The following KRT80 variants were observed in gnomAD, a reference collection of about 807,000 sequenced individuals.
The protein encoded by KRT80 is keratin, type II cytoskeletal 80.
In KRT80, 36 loss-of-function variants were observed where a neutral mutation model predicts 51.5. The observed-to-expected ratio is 0.70, with a 90% CI of 0.54 to 0.92. The LOEUF is 0.92. Among genes scored for constraint, KRT80 ranks in the 40% least tolerant of loss-of-function variants. The pLI is 0.00. For missense variants in KRT80, 566 were observed against 591.7 expected (o/e 0.96, Z 0.45); for synonymous variants, 235 against 248.3 (o/e 0.95, Z 0.50).
At chr12:52,181,143 C>T (rs12826238) in intron 2 of KRT80, among the ~76,000 whole-genome samples, 180 bp from the exon 3 acceptor site, 22,395 of 152,012 alleles carry the variant, frequency 0.15, 1,754 homozygotes, top group Non-Finnish European at 0.17. Flanking sequence ...TCTCTCCCCC[C>T]GACCTCCTGG....
At chr12:52,181,296 C>T (rs1941317301) in intron 2 of KRT80, among the ~76,000 whole-genome samples, 1 of 152,122 alleles carries the variant, frequency 6.6e-6, no homozygotes. Flanking sequence ...ACTTTATCCC[C>T]TCATCTTTAC....
chr12:52,176,514 T>C (rs2120889291), intron 4 of KRT80, among the ~76,000 whole-genome samples: 1 of 150,138 alleles, frequency 6.7e-6, no homozygotes, highest in East Asian at 2.0e-4. Flanking sequence ...GGAGTTTCAC[T>C]CTTGTTGCCC....
rs1035475075 is a variant in KRT80, at chr12:52,171,298, C to T, written c.*100G>A. Reference sequence around the variant, plus strand: ...CTCTCAGTTCAATATCAGGTTTTGCCTCTCTTCTCAACCTAGAGGCTCCAA... The same window carrying T: ...CTCTCAGTTCAATATCAGGTTTTGCTTCTCTTCTCAACCTAGAGGCTCCAA... On this transcript the variant is annotated 3_prime_UTR_variant, in exon 9 of 9. Transcript: ENST00000394815. 6 of 1,264,956 alleles carry T rather than the reference C, an allele frequency of 4.7e-6. No individual in the cohort carries two copies. Among genetic ancestry groups the T allele is most frequent in the African/African-American group, 3.0e-5 (2 of 66,766 alleles). The allele number at this position is 1,264,956 out of a possible 1,614,324, so 78.4% of individuals were successfully genotyped here.
chr12:52,173,230 C>G, intron 5 of KRT80, 67 bp from the exon 6 acceptor site: 1 of 1,469,234 alleles, frequency 6.8e-7, no homozygotes, highest in South Asian at 1.3e-5. Flanking sequence ...TTACCCGCCT[C>G]TGCTTTTTCT....
At chr12:52,178,297 C>T (rs2120896383) in intron 4 of KRT80, among the ~76,000 whole-genome samples, 1 of 152,372 alleles carries the variant, frequency 6.6e-6, no homozygotes, top group Middle Eastern at 3.4e-3. Flanking sequence ...GGCTGCCTGT[C>T]ACACTCAGAA....
At chr12:52,179,013 T>C (rs17126366) in intron 4 of KRT80, among the ~76,000 whole-genome samples, 10,070 of 152,298 alleles carry the variant, frequency 0.066, 1,091 homozygotes, top group African/African-American at 0.23. Context: ...TGCCCAGCCT[T>C]CTTCCAGTTA....
At position 52,180,929 on chromosome 12, in the gene KRT80, C is replaced by A; in HGVS notation, c.544G>T (p.Glu182Ter). The change falls in exon 3 of 9, where the codon GAG (glutamate) becomes TAG (stop). Residue 182 changes from glutamate (E) to a stop codon, truncating the protein, a stop_gained. Coordinates refer to ENST00000394815, the MANE Select transcript of KRT80 (RefSeq NM_182507.3). LOFTEE classifies it high-confidence loss of function. The part of the protein sequence containing the change: ...EDEISKRTDM[E>*]FTFVQLKKDL... Reference sequence around the variant, plus strand: ...TTCTTCAGCTGAACAAAGGTGAACTCCATGTCTGTGCGCTTGGAGATCTCA... The same window carrying A: ...TTCTTCAGCTGAACAAAGGTGAACTACATGTCTGTGCGCTTGGAGATCTCA... 6.4e-7 allele frequency: 1 copy of A among 1,554,632 alleles called. No homozygotes were observed. Among genetic ancestry groups the A allele is most frequent in the Non-Finnish European group, 8.7e-7 (1 of 1,153,276 alleles).
chr12:52,173,495 C>G, intron 5 of KRT80, 105 bp downstream of exon 5: 1 of 798,946 alleles, frequency 1.3e-6, no homozygotes. Context: ...CATAGACTTT[C>G]AGGACAGAGA....
Position 52,173,026 on chromosome 12 carries a change from C to T in KRT80, c.957+12G>A. The stretch of plus-strand genomic sequence containing the variant: ...TCCTCCCCGCCCCCAGGCGCGTCCC[C>T]CAGATACTCACATGGCTCTTGACAG... On this transcript the variant is annotated intron_variant, in intron 6 of 8. Transcript: ENST00000394815. 1 of 1,600,986 alleles carries T rather than the reference C, an allele frequency of 6.2e-7. No individual in the cohort carries two copies. Among genetic ancestry groups the T allele is most frequent in the Non-Finnish European group, 8.5e-7 (1 of 1,170,750 alleles).
intron 4 of KRT80, 59 bp from the exon 5 acceptor site, chr12:52,173,823 C>T (rs1941167001): frequency 2.0e-6 from 3 of 1,537,340 alleles, no homozygotes; most frequent in African/African-American, 1.4e-5. Flanking sequence ...GGACCCTCAG[C>T]CCCACACAGT....
At chr12:52,174,860 G>A (rs1226602568) in intron 4 of KRT80, among the ~76,000 whole-genome samples, 3 of 152,222 alleles carry the variant, frequency 2.0e-5, no homozygotes, top group Non-Finnish European at 4.4e-5. Flanking sequence ...TGGGACCAGG[G>A]ATCTCTAGAG....
intron 4 of KRT80, among the ~76,000 whole-genome samples, chr12:52,177,681 A>G (rs1377625216): frequency 6.6e-6 from 1 of 150,918 alleles, no homozygotes; most frequent in Non-Finnish European, 1.5e-5. Flanking sequence ...GTGTGTATGT[A>G]CACACACACA....
At chr12:52,178,755 AG>A (rs1941273627) in intron 4 of KRT80, among the ~76,000 whole-genome samples, 1 of 152,172 alleles carries the variant, frequency 6.6e-6, no homozygotes, top group Non-Finnish European at 1.5e-5. Flanking sequence ...TAAATGAATG[AG>A]TGGGCTGAGT....
At chr12:52,189,433 C>G (rs1941449396) in intron 1 of KRT80, among the ~76,000 whole-genome samples, 1 of 152,214 alleles carries the variant, frequency 6.6e-6, no homozygotes, top group African/African-American at 2.4e-5. Flanking sequence ...AAATTCTTTT[C>G]AAAAATTCTC....
intron 4 of KRT80, among the ~76,000 whole-genome samples, chr12:52,176,760 C>T (rs1002216065): frequency 6.6e-6 from 1 of 152,190 alleles, no homozygotes; most frequent in Non-Finnish European, 1.5e-5. Context: ...GGATTACAGG[C>T]GTGAGCCACT....
At chr12:52,171,979 A>G (rs1941112833) in intron 7 of KRT80, among the ~76,000 whole-genome samples, 1 of 152,168 alleles carries the variant, frequency 6.6e-6, no homozygotes, top group Non-Finnish European at 1.5e-5. Context: ...CATCCCTGCC[A>G]CAGGTGAACC....
At chr12:52,189,378 T>G (rs1022249824) in intron 1 of KRT80, among the ~76,000 whole-genome samples, 2 of 152,262 alleles carry the variant, frequency 1.3e-5, no homozygotes, top group Non-Finnish European at 2.9e-5. Context: ...ATTTCATTTT[T>G]TATTTAACAG....
At chr12:52,180,392 G>A in intron 4 of KRT80, 121 bp downstream of exon 4, 1 of 595,036 alleles carries the variant, frequency 1.7e-6, no homozygotes, top group South Asian at 5.2e-5. Context: ...TCTGGGGCTG[G>A]AAATTGTAAG....
At chr12:52,180,463 T>C (rs201508387) in intron 4 of KRT80, 50 bp downstream of exon 4, 4 of 1,309,262 alleles carry the variant, frequency 3.1e-6, no homozygotes, top group Non-Finnish European at 4.0e-6. Flanking sequence ...CCTTTACCCA[T>C]GGACCAGCCA....
Sources: gnomAD v4.1 joint callset for allele counts (sites outside exome capture counted in the v4.1 genomes callset) on GRCh38, gnomAD v4.1.1 for gene constraint, MANE v1.5 for transcripts, NCBI Gene and HGNC (gene_info 2026-07-23, HGNC 2026-07-21) for gene names.